Variants in VPS37A observed in about 807,000 individuals in gnomAD.
The protein encoded by VPS37A is vacuolar protein sorting-associated protein 37A.
VPS37A carries 30 observed loss-of-function variants against 49.8 expected under a neutral mutation model. The observed-to-expected ratio is 0.60, with a 90% CI of 0.45 to 0.82. VPS37A has a LOEUF of 0.82. VPS37A is among the 40% of genes least tolerant of loss of function. The probability of loss-of-function intolerance (pLI) is 0.00; values close to 1 mark genes in which losing one functional copy is unlikely to be tolerated. For synonymous variants in VPS37A, 195 were observed against 160.6 expected (o/e 1.21, Z -1.62); for missense variants, 593 against 464.4 (o/e 1.28, Z -2.55).
At chr8:17,322,086 T>C in the VPS37A span, among the ~76,000 whole-genome samples, 1 of 151,912 alleles carries the variant, frequency 6.6e-6, no homozygotes, top group South Asian at 2.1e-4. Flanking sequence ...AGTTGAAACA[T>C]ATACAGCCCT....
At chr8:17,248,302 T>C (rs760075042) in intron 1 of VPS37A, 9 of 452,004 alleles carry the variant, frequency 2.0e-5, no homozygotes, top group South Asian at 1.2e-4. Flanking sequence ...GGCTCTCCTG[T>C]TGCCCAGGCT....
At chr8:17,299,642 ATGG>A, downstream of VPS37A, 1 of 587,868 alleles carries the variant, frequency 1.7e-6, no homozygotes, top group Non-Finnish European at 2.9e-6. Context: ...GAGCTTCAAA[ATGG>A]TGAATAATTT....
At chr8:17,306,362 TGGGAA>T (rs1817455375), downstream of VPS37A, among the ~76,000 whole-genome samples, 1 of 151,876 alleles carries the variant, frequency 6.6e-6, no homozygotes, top group South Asian at 2.1e-4. Context: ...GCTGTTTTGT[TGGGAA>T]GGGATGAGGA....
chr8:17,285,777 G>A (rs573971572), intron 10 of VPS37A, among the ~76,000 whole-genome samples: 1 of 152,256 alleles, frequency 6.6e-6, no homozygotes, highest in African/African-American at 2.4e-5. Flanking sequence ...TAATCTTCCT[G>A]CTTAACAGTA....
intron 5 of VPS37A, 79 bp downstream of exon 5, chr8:17,275,037 G>A (rs968479403): frequency 2.3e-6 from 3 of 1,313,814 alleles, no homozygotes; most frequent in Non-Finnish European, 3.2e-6. Flanking sequence ...ATGCCTCTGT[G>A]TGCCAGATAA....
intron 1 of VPS37A, chr8:17,248,379 C>T (rs1179180285): frequency 2.2e-6 from 1 of 455,624 alleles, no homozygotes; most frequent in South Asian, 1.5e-5. Flanking sequence ...ATCATCCTCC[C>T]TCAGCTCCCC....
intron 11 of VPS37A, among the ~76,000 whole-genome samples, chr8:17,291,517 C>G (rs941088306): frequency 6.7e-6 from 1 of 148,964 alleles, no homozygotes; most frequent in Non-Finnish European, 1.5e-5. Flanking sequence ...CTTCTGCTAG[C>G]TTTTGAATTT....
intron 9 of VPS37A, among the ~76,000 whole-genome samples, chr8:17,283,389 C>T (rs1815282756): frequency 6.6e-6 from 1 of 152,130 alleles, no homozygotes; most frequent in Admixed American, 6.5e-5. Context: ...CTCCCAGGCT[C>T]AAGCCATCTG....
the VPS37A span, among the ~76,000 whole-genome samples, chr8:17,317,455 T>TA: frequency 2.1e-4 from 32 of 152,330 alleles, no homozygotes; most frequent in East Asian, 6.2e-3. Flanking sequence ...CTTCCATACT[T>TA]ACACTTTCAC....
chr8:17,275,980 A>G (rs918628783), intron 5 of VPS37A, among the ~76,000 whole-genome samples: 1 of 152,170 alleles, frequency 6.6e-6, no homozygotes. Flanking sequence ...AACAGTGGCT[A>G]CTCGGTTGCT....
At chr8:17,318,396 T>C in the VPS37A span, among the ~76,000 whole-genome samples, 1 of 152,058 alleles carries the variant, frequency 6.6e-6, no homozygotes. Flanking sequence ...TGATAATGGC[T>C]AGCAGGCAGA....
At chr8:17,300,146 C>A, downstream of VPS37A, 1 of 1,614,126 alleles carries the variant, frequency 6.2e-7, no homozygotes, top group Non-Finnish European at 8.5e-7. Flanking sequence ...GTAGAAAACC[C>A]TGAGTGCTTG....
chr8:17,298,314 A>G (rs764318759), downstream of VPS37A: 2 of 152,104 alleles, frequency 1.3e-5, no homozygotes, highest in African/African-American at 4.8e-5. Context: ...AGAATGCCCA[A>G]ATTTTATATT....
intron 1 of VPS37A, chr8:17,265,648 T>C: frequency 1.3e-6 from 1 of 752,264 alleles, no homozygotes; most frequent in Non-Finnish European, 2.1e-6. Context: ...CAGTGTAGCA[T>C]TAATGAAGAG....
intron 1 of VPS37A, among the ~76,000 whole-genome samples, chr8:17,259,938 T>A (rs952680128): frequency 3.3e-5 from 5 of 152,160 alleles, no homozygotes; most frequent in African/African-American, 1.2e-4. Context: ...TTCTACTCCT[T>A]CACTTTCAGT....
chr8:17,310,710 C>G, the VPS37A span, among the ~76,000 whole-genome samples: 1 of 152,194 alleles, frequency 6.6e-6, no homozygotes, highest in Non-Finnish European at 1.5e-5. Flanking sequence ...CCTCTTCGCT[C>G]TTGTCCGAGG....
At chr8:17,333,426 TAAATA>T in the VPS37A span, among the ~76,000 whole-genome samples, 487 of 152,328 alleles carry the variant, frequency 3.2e-3, 4 homozygotes, top group African/African-American at 0.011. Flanking sequence ...ACAAGCATCA[TAAATA>T]AAATTAATAG....
At chr8:17,315,321 G>T in the VPS37A span, among the ~76,000 whole-genome samples, 3 of 152,008 alleles carry the variant, frequency 2.0e-5, no homozygotes, top group African/African-American at 7.2e-5. Flanking sequence ...AAAAATCAGC[G>T]GCTGCCAGGG....
intron 1 of VPS37A, among the ~76,000 whole-genome samples, chr8:17,253,385 A>G (rs1563236796): frequency 6.6e-6 from 1 of 152,166 alleles, no homozygotes; most frequent in Admixed American, 6.5e-5. Flanking sequence ...AAATTTGACC[A>G]TGTCACTCCT....
Sources: allele counts gnomAD v4.1 joint callset (sites outside exome capture counted in the v4.1 genomes callset), GRCh38; gene constraint gnomAD v4.1.1; transcripts MANE v1.5; gene names NCBI Gene and HGNC (gene_info 2026-07-23, HGNC 2026-07-21).